The following KCNQ2 variants were observed in gnomAD, a reference collection of about 807,000 sequenced individuals.
KCNQ2 encodes potassium voltage-gated channel subfamily KQT member 2.
A neutral mutation model predicts 84.8 loss-of-function variants in KCNQ2; 14 were observed. That is an observed-to-expected ratio of 0.17 (90% CI 0.11 to 0.26). KCNQ2 has a LOEUF of 0.26. Among genes scored for constraint, KCNQ2 ranks in the 10% least tolerant of loss-of-function variants. KCNQ2 has a pLI of 1.00. For synonymous variants in KCNQ2, 599 were observed against 554.1 expected (o/e 1.08, Z -1.14); for missense variants, 788 against 1,254.0 (o/e 0.63, Z 5.61).
At chr20:63,439,809 C>T (rs1417121834) in intron 5 of KCNQ2, 101 bp from the exon 6 acceptor site, 4 of 859,228 alleles carry the variant, frequency 4.7e-6, no homozygotes, top group Non-Finnish European at 7.8e-6. Flanking sequence ...GGGACAGATG[C>T]GGGGCCACCC....
rs774006152 is a variant in KCNQ2 at position 63,436,211 on chromosome 20, G to A, written c.1024-2308C>T. 3.9e-5 allele frequency among the ~76,000 whole-genome samples: 6 copies of A among 152,262 alleles called. 1 individual carries two copies. The highest frequency in any genetic ancestry group is 7.2e-5 in the African/African-American group (3 of 41,556). The stretch of plus-strand genomic sequence containing the variant: ...CGTGAAAGGAAGAGTGAATCGATGC[G>A]GCAAACCTCATTCTTGCCTTATTTT... On this transcript the variant is annotated intron_variant, in intron 7 of 16. Coordinates refer to ENST00000359125, the MANE Select transcript of KCNQ2 (RefSeq NM_172107.4).
At chr20:63,468,364 C>T (rs943667093) in intron 1 of KCNQ2, among the ~76,000 whole-genome samples, 15 of 152,192 alleles carry the variant, frequency 9.9e-5, no homozygotes, top group African/African-American at 3.6e-4. Flanking sequence ...CTGGGTAAAG[C>T]CCAGGCCTGC....
intron 1 of KCNQ2, among the ~76,000 whole-genome samples, chr20:63,455,079 T>C (rs563504589): frequency 2.0e-5 from 3 of 151,942 alleles, no homozygotes; most frequent in Non-Finnish European, 2.9e-5. Flanking sequence ...AGAAGAGACT[T>C]CCTACGGGAG....
intron 1 of KCNQ2, among the ~76,000 whole-genome samples, chr20:63,454,939 G>C (rs1325358028): frequency 2.0e-5 from 3 of 152,222 alleles, no homozygotes; most frequent in Non-Finnish European, 4.4e-5. Flanking sequence ...CCACAGTGTG[G>C]GTACAGCCCC....
Position 63,442,446 on chromosome 20 carries a change from T to A in KCNQ2, c.776A>T (p.Asp259Val). 6.2e-7 allele frequency: 1 copy of A among 1,613,702 alleles called. No individual in the cohort carries two copies. The highest frequency in any genetic ancestry group is 8.5e-7 in the Non-Finnish European group (1 of 1,179,928). ...TGCATCCGCGTAGGTGTCAAAGTGG[T>A]CGTTCTCCCCCTTCTCTGCCAAGTA... ...LVYLAEKGEN[D>V]HFDTYADALW... The change falls in exon 5 of 17, where the codon GAC becomes GTC. Residue 259 changes from aspartate to valine, a missense_variant. Asp to Val is a radical substitution (Grantham distance 152). Transcript: ENST00000359125.
At chr20:63,431,254 G>T in intron 9 of KCNQ2, 86 bp downstream of exon 9, 2 of 1,508,004 alleles carry the variant, frequency 1.3e-6, no homozygotes, top group Non-Finnish European at 1.8e-6. Flanking sequence ...TGGGCCACGG[G>T]GCTCCAGGGG....
intron 4 of KCNQ2, among the ~76,000 whole-genome samples, chr20:63,443,439 TCACCACCACCATCACCATCAC>T (rs1568937890): frequency 4.6e-4 from 11 of 23,826 alleles, no homozygotes; most frequent in African/African-American, 1.4e-3. Flanking sequence ...ACCATCACCA[TCACCACCACCATCACCATCAC>T]CACCATCACC....
At chr20:63,432,026 C>CTCCACCCTCAGGGAAGGA (rs2080813280) in intron 8 of KCNQ2, among the ~76,000 whole-genome samples, 1 of 148,084 alleles carries the variant, frequency 6.8e-6, no homozygotes, top group East Asian at 2.0e-4. Context: ...ACAGGGAAGG[C>CTCCACCCTCAGGGAAGGA]TCCACCCTCA....
chr20:63,401,815 CCT>C lies in KCNQ2; in HGVS notation c.*4827_*4828del. The C allele has an allele frequency of 5.0e-6, 1 of 201,438 alleles. No individual in the cohort carries two copies. The allele number at this position is 201,438 out of a possible 1,614,324, so 12.5% of individuals were successfully genotyped here. On this transcript the variant is annotated 3_prime_UTR_variant, in exon 17 of 17. Transcript: ENST00000359125. ...GCAGGTCCAAGCCTCGTGAGCTGTC[CCT>C]CTCACACCACGTCTGCTGGGCACCC...
rs143399744 is a variant in KCNQ2, at chr20:63,442,430, G to A, written c.792C>T (p.Tyr264=). ...EKGENDHFDT[Y]ADALWWGLIT... Reference sequence around the variant, plus strand: ...CCAGGCCCCACCAGAGTGCATCCGCGTAGGTGTCAAAGTGGTCGTTCTCCC... The same window carrying A: ...CCAGGCCCCACCAGAGTGCATCCGCATAGGTGTCAAAGTGGTCGTTCTCCC... Residue 264 remains tyrosine (Y), a synonymous_variant, in exon 5 of 17, where the codon TAC becomes TAT. Coordinates refer to ENST00000359125, the MANE Select transcript of KCNQ2 (RefSeq NM_172107.4). The A allele has an allele frequency of 2.2e-4, 358 of 1,613,878 alleles. No homozygotes were observed. Among genetic ancestry groups the A allele is most frequent in the Non-Finnish European group, 2.7e-4 (318 of 1,179,952 alleles).
intron 4 of KCNQ2, among the ~76,000 whole-genome samples, chr20:63,442,818 T>C (rs1183346190): frequency 1.7e-4 from 8 of 45,938 alleles, no homozygotes; most frequent in South Asian, 1.2e-3. Context: ...ACCACCACCA[T>C]CACCATCACC....
intron 12 of KCNQ2, among the ~76,000 whole-genome samples, chr20:63,418,468 G>A (rs1021826254): frequency 7.2e-5 from 11 of 152,212 alleles, no homozygotes; most frequent in South Asian, 2.1e-4. Context: ...CCCAGGAAGC[G>A]TGAGGATGAA....
rs915486514 is a variant in KCNQ2 at position 63,472,592 on chromosome 20, T to C, written c.-129A>G. On this transcript the variant is annotated 5_prime_UTR_variant, in exon 1 of 17. Coordinates refer to ENST00000359125, the MANE Select transcript of KCNQ2 (RefSeq NM_172107.4). ...GGCCGAGGCGGCGGTTCCGCACTCC[T>C]GCCGGGCTTGGGCCGCGCGCGGAGA... 5 of 778,232 alleles carry C rather than the reference T, an allele frequency of 6.4e-6. No homozygotes were observed. The highest frequency in any genetic ancestry group is 3.8e-5 in the African/African-American group (2 of 52,242). 48.2% of individuals were successfully genotyped at this position (778,232 alleles called of 1,614,324 possible). A position where few individuals can be genotyped will look rare whatever the true frequency, so the allele number is the denominator to read the frequency against.
At chr20:63,420,718 G>T (rs1411240868) in intron 11 of KCNQ2, among the ~76,000 whole-genome samples, 1 of 152,120 alleles carries the variant, frequency 6.6e-6, no homozygotes, top group African/African-American at 2.4e-5. Context: ...GTAGGCTGAG[G>T]GCTCTGGACC....
intron 1 of KCNQ2, among the ~76,000 whole-genome samples, chr20:63,462,788 G>A (rs920446412): frequency 3.1e-4 from 47 of 152,276 alleles, no homozygotes; most frequent in African/African-American, 9.9e-4. Context: ...CAGAGAAGTC[G>A]TGAGCGCCCG....
intron 11 of KCNQ2, among the ~76,000 whole-genome samples, chr20:63,421,834 C>A (rs1437551625): frequency 1.3e-5 from 2 of 152,072 alleles, no homozygotes; most frequent in East Asian, 3.9e-4. Flanking sequence ...CGGGACCCCC[C>A]TGGGGCAGCA....
intron 9 of KCNQ2, 69 bp downstream of exon 9, chr20:63,431,271 C>A: frequency 6.3e-7 from 1 of 1,583,318 alleles, no homozygotes; most frequent in Non-Finnish European, 8.7e-7. Context: ...GGGGCTTGCC[C>A]GGTCACAGTT....
intron 7 of KCNQ2, among the ~76,000 whole-genome samples, chr20:63,437,950 C>T (rs574480570): frequency 1.3e-5 from 2 of 152,312 alleles, no homozygotes; most frequent in East Asian, 1.9e-4. Flanking sequence ...GCTGGGATTA[C>T]AGACGCACGC....
chr20:63,434,389 G>A, intron 7 of KCNQ2: 1 of 173,066 alleles, frequency 5.8e-6, no homozygotes, highest in Non-Finnish European at 1.2e-5. Flanking sequence ...ACTGAACCTC[G>A]CCTGGCTGGA....
Sources: gnomAD v4.1 joint callset for allele counts (sites outside exome capture counted in the v4.1 genomes callset) on GRCh38, gnomAD v4.1.1 for gene constraint, MANE v1.5 for transcripts, NCBI Gene and HGNC (gene_info 2026-07-23, HGNC 2026-07-21) for gene names.